The following MBTD1 variants were observed in gnomAD, a reference collection of about 807,000 sequenced individuals.
MBTD1 encodes mbt domain containing 1, also known as MBT domain-containing protein 1.
MBTD1 carries 24 observed loss-of-function variants against 87.8 expected under a neutral mutation model. The ratio of observed to expected loss-of-function variants is 0.27; its 90% CI spans 0.20 to 0.38. The LOEUF (loss-of-function observed/expected upper bound fraction) is 0.38. Ranked by LOEUF, MBTD1 falls within the 10% of genes least tolerant of loss-of-function variation. The probability of loss-of-function intolerance (pLI) is 1.00; values close to 1 mark genes in which losing one functional copy is unlikely to be tolerated. For synonymous variants in MBTD1, 237 were observed against 248.6 expected (o/e 0.95, Z 0.44); for missense variants, 436 against 760.2 (o/e 0.57, Z 5.02).
At chr17:51,226,963 C>T (rs2053255148) in intron 2 of MBTD1, among the ~76,000 whole-genome samples, 1 of 145,936 alleles carries the variant, frequency 6.9e-6, no homozygotes, top group Admixed American at 6.8e-5. Context: ...TTGCTTTGGG[C>T]TGGGCGCGGT....
At chr17:51,233,780 A>AT (rs2053671572) in intron 2 of MBTD1, among the ~76,000 whole-genome samples, 1 of 152,192 alleles carries the variant, frequency 6.6e-6, no homozygotes, top group Non-Finnish European at 1.5e-5. Context: ...ATGCATCATT[A>AT]TAACAATTCA....
At position 51,179,508 on chromosome 17, in the gene MBTD1, A is replaced by ATATATATATATTTT. The variant is rs2050220261; in HGVS notation, c.*1067_*1068insAAAATATATATATA. On this transcript the variant is annotated 3_prime_UTR_variant, in exon 17 of 17. Coordinates refer to ENST00000586178, the MANE Select transcript of MBTD1 (RefSeq NM_017643.3). ...TTTATATATATATATATATATATAT[A>ATATATATATATTTT]TATATATATATATATATATATATAT... The ATATATATATATTTT allele has an allele frequency of 1.2e-5, 1 of 83,816 alleles. No homozygotes were observed. The highest frequency in any genetic ancestry group is 2.6e-5 in the Non-Finnish European group (1 of 38,896). 5.2% of individuals were successfully genotyped at this position (83,816 alleles called of 1,614,324 possible). A position where few individuals can be genotyped will look rare whatever the true frequency, so the allele number is the denominator to read the frequency against.
At chr17:51,221,683 T>C (rs1170881073) in intron 3 of MBTD1, among the ~76,000 whole-genome samples, 1 of 152,236 alleles carries the variant, frequency 6.6e-6, no homozygotes, top group Non-Finnish European at 1.5e-5. Flanking sequence ...GACCGTTTTT[T>C]TCTTATTATT....
At chr17:51,198,139 G>A (rs1598308438) in intron 12 of MBTD1, among the ~76,000 whole-genome samples, 1 of 152,144 alleles carries the variant, frequency 6.6e-6, no homozygotes, top group Non-Finnish European at 1.5e-5. Context: ...TACTCCTTTA[G>A]AGGTTATCAA....
At chr17:51,258,291 T>C (rs1289402846) in intron 2 of MBTD1, among the ~76,000 whole-genome samples, 1 of 152,168 alleles carries the variant, frequency 6.6e-6, no homozygotes, top group Non-Finnish European at 1.5e-5. Context: ...ATATCCAAGA[T>C]TCTTAGGCCA....
chr17:51,231,441 A>AT (rs10717038), intron 2 of MBTD1, among the ~76,000 whole-genome samples: 221 of 151,454 alleles, frequency 1.5e-3, no homozygotes, highest in South Asian at 2.5e-3. Context: ...AGCTGTTAGT[A>AT]TTTTTTTTTT....
intron 16 of MBTD1, among the ~76,000 whole-genome samples, chr17:51,191,248 TAGAA>T (rs1375732834): frequency 1.4e-5 from 2 of 146,454 alleles, no homozygotes; most frequent in Admixed American, 1.4e-4. Context: ...AAATATAGTA[TAGAA>T]AGAATTTCTT....
intron 7 of MBTD1, among the ~76,000 whole-genome samples, chr17:51,206,327 T>G (rs2051832585): frequency 6.6e-6 from 1 of 152,176 alleles, no homozygotes; most frequent in Non-Finnish European, 1.5e-5. Flanking sequence ...AGGTGGGTCT[T>G]GAACTCCTAG....
intron 2 of MBTD1, among the ~76,000 whole-genome samples, chr17:51,238,502 C>T (rs912365702): frequency 6.6e-6 from 1 of 152,228 alleles, no homozygotes; most frequent in South Asian, 2.1e-4. Flanking sequence ...GATGTCTCAG[C>T]GTTACAGCTG....
chr17:51,224,995 TATAA>T lies in MBTD1; in HGVS notation c.154+9_154+12del, dbSNP rs1227781941. 1.3e-6 allele frequency: 2 copies of T among 1,529,342 alleles called. No individual in the cohort carries two copies. The highest frequency in any genetic ancestry group is 1.8e-6 in the Non-Finnish European group (2 of 1,132,372). The allele number at this position is 1,529,342 out of a possible 1,614,324, so 94.7% of individuals were successfully genotyped here. ...ATAAAGCTGTAGAACAGGTGAAGGT[TATAA>T]ATACTCACCCATGCCAGATTTACCA... On this transcript the variant is annotated intron_variant, in intron 3 of 16. Coordinates refer to ENST00000586178, the MANE Select transcript of MBTD1 (RefSeq NM_017643.3).
At chr17:51,257,819 T>C (rs766080954) in intron 2 of MBTD1, among the ~76,000 whole-genome samples, 1 of 152,172 alleles carries the variant, frequency 6.6e-6, no homozygotes, top group Non-Finnish European at 1.5e-5. Flanking sequence ...TTAGAGGAAA[T>C]ATTTTATGTC....
upstream of MBTD1, chr17:51,260,923 G>A (rs1253949192): frequency 4.5e-6 from 7 of 1,553,936 alleles, no homozygotes; most frequent in Non-Finnish European, 6.1e-6. Flanking sequence ...TGCGAGGCCC[G>A]AGGGTGAGGG....
At chr17:51,197,520 C>CTTTTTTTTTTTTTTTTTTTT (rs548902033) in intron 12 of MBTD1, among the ~76,000 whole-genome samples, 1 of 139,092 alleles carries the variant, frequency 7.2e-6, no homozygotes. Flanking sequence ...TTTTTCTTTT[C>CTTTTTTTTTTTTTTTTTTTT]TTTTTTTTTT....
At position 51,179,494 on chromosome 17, in the gene MBTD1, A is replaced by ATATATATATATATATTTATATT. The variant is rs2050212156; in HGVS notation, c.*1081_*1082insAATATAAATATATATATATATA. On this transcript the variant is annotated 3_prime_UTR_variant, in exon 17 of 17. Coordinates refer to ENST00000586178, the MANE Select transcript of MBTD1 (RefSeq NM_017643.3). ...CAATTAAAGACAATTTTATATATATATATATATATATATATATATATATAT... is the reference window on the plus strand; with the variant it reads ...CAATTAAAGACAATTTTATATATATATATATATATATATATTTATATTTATATATATATATATATATATATAT... 1 of 41,462 alleles carries ATATATATATATATATTTATATT rather than the reference A, an allele frequency of 2.4e-5. No homozygotes were observed. Among genetic ancestry groups the ATATATATATATATATTTATATT allele is most frequent in the African/African-American group, 9.7e-5 (1 of 10,344 alleles). 2.6% of individuals were successfully genotyped at this position (41,462 alleles called of 1,614,324 possible).
Position 51,193,437 on chromosome 17 carries a change from T to C in MBTD1, c.1446A>G (p.Leu482=), listed in dbSNP as rs772658279. The C allele has an allele frequency of 2.2e-5, 36 of 1,610,058 alleles. No individual in the cohort carries two copies. Among genetic ancestry groups the C allele is most frequent in the Non-Finnish European group, 3.1e-5 (36 of 1,177,902 alleles). The change falls in exon 14 of 17, where the codon CTA becomes CTG. Residue 482 remains leucine (L), a synonymous_variant. Transcript: ENST00000586178. ...TGCCATTTAAATTTACCTTATTAAATAGTTTTACTGGTGCTGCAATGGAGC... is the reference window on the plus strand; with the variant it reads ...TGCCATTTAAATTTACCTTATTAAACAGTTTTACTGGTGCTGCAATGGAGC... ...ETGSIAAPVK[L]FNKDVPNHGF...
chr17:51,200,662 G>A (rs1014937654), intron 12 of MBTD1, among the ~76,000 whole-genome samples: 1 of 151,126 alleles, frequency 6.6e-6, no homozygotes, highest in Non-Finnish European at 1.5e-5. Flanking sequence ...CCAGGAATTC[G>A]AGACCAGCCC....
intron 2 of MBTD1, among the ~76,000 whole-genome samples, chr17:51,231,136 C>T (rs769528623): frequency 2.6e-5 from 4 of 152,112 alleles, no homozygotes; most frequent in South Asian, 2.1e-4. Context: ...TGGGGTTTCG[C>T]CATGTTGGTC....
intron 2 of MBTD1, chr17:51,256,715 TCAA>T (rs1417408344): frequency 2.0e-5 from 3 of 152,224 alleles, no homozygotes; most frequent in Non-Finnish European, 2.9e-5. Context: ...TTTCAAGTGC[TCAA>T]CAACCACATG....
At chr17:51,193,636 G>C (rs1598296218) in intron 13 of MBTD1, 126 bp from the exon 14 acceptor site, 2 of 639,158 alleles carry the variant, frequency 3.1e-6, no homozygotes, top group East Asian at 5.7e-5. Context: ...TATTTTTTTT[G>C]AGACAGGGTC....
Sources: gnomAD v4.1 joint callset for allele counts (sites outside exome capture counted in the v4.1 genomes callset) on GRCh38, gnomAD v4.1.1 for gene constraint, MANE v1.5 for transcripts, NCBI Gene and HGNC (gene_info 2026-07-23, HGNC 2026-07-21) for gene names.